The following ARHGAP28 variants were observed in gnomAD, a reference collection of about 807,000 sequenced individuals.
ARHGAP28 encodes the protein Rho GTPase activating protein 28, also known as rho GTPase-activating protein 28.
ARHGAP28 carries 56 observed loss-of-function variants against 90.7 expected under a neutral mutation model. The ratio of observed to expected loss-of-function variants is 0.62; its 90% CI spans 0.50 to 0.77. ARHGAP28 has a LOEUF of 0.77. ARHGAP28 is among the 30% of genes least tolerant of loss of function. The probability of loss-of-function intolerance (pLI) is 0.00; values close to 1 mark genes in which losing one functional copy is unlikely to be tolerated. For missense variants in ARHGAP28, 869 were observed against 900.9 expected (o/e 0.96, Z 0.45); for synonymous variants, 308 against 323.3 (o/e 0.95, Z 0.51).
At chr18:6,827,568 G>T (rs1473720645) in intron 2 of ARHGAP28, among the ~76,000 whole-genome samples, 4 of 144,366 alleles carry the variant, frequency 2.8e-5, no homozygotes, top group Non-Finnish European at 3.1e-5. Flanking sequence ...CCTCCCGGAC[G>T]GGGCGACTGG....
At chr18:6,741,389 G>A (rs540185810) in intron 1 of ARHGAP28, among the ~76,000 whole-genome samples, 9 of 152,300 alleles carry the variant, frequency 5.9e-5, no homozygotes, top group African/African-American at 2.2e-4. Context: ...GCAGAAAGCT[G>A]CAGGCTAGAG....
intron 1 of ARHGAP28, among the ~76,000 whole-genome samples, chr18:6,732,517 G>T (rs1427397158): frequency 6.6e-6 from 1 of 152,078 alleles, no homozygotes; most frequent in Non-Finnish European, 1.5e-5. Context: ...AAAATTGAAG[G>T]ACCCAGCAGC....
intron 1 of ARHGAP28, among the ~76,000 whole-genome samples, chr18:6,814,694 G>C (rs1343796558): frequency 1.3e-5 from 2 of 152,204 alleles, no homozygotes; most frequent in African/African-American, 4.8e-5. Flanking sequence ...AGTAGTGCTA[G>C]CTGTAGCAGG....
In ARHGAP28 at chr18:6,859,822, T is replaced by C. The variant is rs763839305; in HGVS notation, c.651T>C (p.Ser217=). 2 of 1,613,922 alleles carry C rather than the reference T, an allele frequency of 1.2e-6. No individual in the cohort carries two copies. The highest frequency in any genetic ancestry group is 2.7e-5 in the African/African-American group (2 of 74,926). Residue 217 remains serine (S), a synonymous_variant, in exon 5 of 18, where the codon TCT becomes TCC. Transcript: ENST00000383472. ...KTSGSMPDDA[S]LNSTTLSDAS... is the part of the protein sequence containing the mutation. Reference sequence around the variant, plus strand: ...TCTCCATTTAGCCAGATGATGCTTCTCTCAACAGTACTACCCTGTCTGACG... The same window carrying C: ...TCTCCATTTAGCCAGATGATGCTTCCCTCAACAGTACTACCCTGTCTGACG...
At chr18:6,789,436 A>G (rs1449376431) in intron 1 of ARHGAP28, 1 of 152,242 alleles carries the variant, frequency 6.6e-6, no homozygotes, top group Non-Finnish European at 1.5e-5. Context: ...TTAGCCAGGC[A>G]TGGTGGCGCA....
At chr18:6,881,660 G>A (rs916046612) in intron 10 of ARHGAP28, among the ~76,000 whole-genome samples, 2 of 152,202 alleles carry the variant, frequency 1.3e-5, no homozygotes, top group African/African-American at 2.4e-5. Context: ...ATGTTGCAGC[G>A]AGGTCAGAGT....
At chr18:6,752,745 T>G (rs2056079742) in intron 1 of ARHGAP28, among the ~76,000 whole-genome samples, 1 of 152,082 alleles carries the variant, frequency 6.6e-6, no homozygotes, top group South Asian at 2.1e-4. Flanking sequence ...TTCTCTCAGC[T>G]TAAGAGTATG....
At chr18:6,839,425 C>T (rs1317146099) in intron 3 of ARHGAP28, among the ~76,000 whole-genome samples, 4 of 151,874 alleles carry the variant, frequency 2.6e-5, no homozygotes, top group African/African-American at 9.7e-5. Flanking sequence ...TCCCGAGTAA[C>T]TGGGACTATA....
rs1279901822 is a variant in ARHGAP28, at chr18:6,915,670, G to A, written c.*3516G>A. On this transcript the variant is annotated 3_prime_UTR_variant, in exon 18 of 18. Coordinates refer to ENST00000383472, the MANE Select transcript of ARHGAP28 (RefSeq NM_001366230.1). ...CAGCTTTCATTGTTAAGTAGAATAT[G>A]TATGTTGCATTTTATCCATAAGAAA... 2.6e-5 allele frequency: 4 copies of A among 152,108 alleles called. No homozygotes were observed. Among genetic ancestry groups the A allele is most frequent in the Admixed American group, 2.6e-4 (4 of 15,280 alleles). The allele number at this position is 152,108 out of a possible 1,614,324, so 9.4% of individuals were successfully genotyped here. A position where few individuals can be genotyped will look rare whatever the true frequency, so the allele number is the denominator to read the frequency against.
In ARHGAP28 at chr18:6,913,630, A is replaced by G. The variant is rs78259464; in HGVS notation, c.*1476A>G. On this transcript the variant is annotated 3_prime_UTR_variant, in exon 18 of 18. Transcript: ENST00000383472. The stretch of plus-strand genomic sequence containing the variant: ...TAGAAGAAATCTTGTATATACTATT[A>G]TTACACCTTGATATCTATACAAAAC... 1 of 150,452 alleles carries G rather than the reference A, an allele frequency of 6.6e-6. No individual in the cohort carries two copies. Among genetic ancestry groups the G allele is most frequent in the Non-Finnish European group, 1.5e-5 (1 of 67,594 alleles). 9.3% of individuals were successfully genotyped at this position (150,452 alleles called of 1,614,324 possible). A position where few individuals can be genotyped will look rare whatever the true frequency, so the allele number is the denominator to read the frequency against.
intron 1 of ARHGAP28, among the ~76,000 whole-genome samples, chr18:6,766,228 C>T (rs867222052): frequency 2.6e-5 from 4 of 152,108 alleles, no homozygotes; most frequent in Non-Finnish European, 5.9e-5. Context: ...GTGCATGTGT[C>T]GCTCCTTTCA....
intron 2 of ARHGAP28, 50 bp downstream of exon 2, chr18:6,825,014 G>A: frequency 6.9e-7 from 1 of 1,454,108 alleles, no homozygotes; most frequent in Non-Finnish European, 9.1e-7. Flanking sequence ...TTCTTTCTCT[G>A]CCCTCTGTTA....
intron 4 of ARHGAP28, among the ~76,000 whole-genome samples, chr18:6,856,206 C>T (rs2056952265): frequency 6.6e-6 from 1 of 152,204 alleles, no homozygotes; most frequent in Non-Finnish European, 1.5e-5. Flanking sequence ...CAACTTTATG[C>T]TCCAGATTTG....
At chr18:6,765,107 C>T (rs2056190069) in intron 1 of ARHGAP28, among the ~76,000 whole-genome samples, 1 of 152,128 alleles carries the variant, frequency 6.6e-6, no homozygotes, top group Non-Finnish European at 1.5e-5. Context: ...GATGTTGGTC[C>T]ATAGGTTTTT....
Position 6,915,028 on chromosome 18 carries a change from CTTA to C in ARHGAP28, c.*2880_*2882del, listed in dbSNP as rs2057415939. ...TTGTTGTTACAAACTGTGCCTGAAT[CTTA>C]TTATTTAAATCACTTCAGTTAGCTT... On this transcript the variant is annotated 3_prime_UTR_variant, in exon 18 of 18. Coordinates refer to ENST00000383472, the MANE Select transcript of ARHGAP28 (RefSeq NM_001366230.1). 1 of 152,560 alleles carries C rather than the reference CTTA, an allele frequency of 6.6e-6. No homozygotes were observed. The highest frequency in any genetic ancestry group is 2.4e-5 in the African/African-American group (1 of 41,428). 9.5% of individuals were successfully genotyped at this position (152,560 alleles called of 1,614,324 possible).
intron 7 of ARHGAP28, among the ~76,000 whole-genome samples, chr18:6,872,798 T>C (rs1320336551): frequency 6.6e-6 from 1 of 152,236 alleles, no homozygotes; most frequent in Non-Finnish European, 1.5e-5. Context: ...AAAATCATAG[T>C]AGGATTGTTT....
In ARHGAP28 at chr18:6,824,852, C is replaced by T. The variant is rs1028482316; in HGVS notation, c.213C>T (p.Ala71=). The change falls in exon 2 of 18, where the codon GCC becomes GCT. Residue 71 remains alanine, a synonymous_variant. Transcript: ENST00000383472. The stretch of plus-strand genomic sequence containing the variant: ...CCTTCAGCCGTTCCAACTCAGAAGC[C>T]TCCGTAGACAGCGCCTCCATGGAGG... ...PPAFSRSNSE[A]SVDSASMEDF... The T allele has an allele frequency of 7.2e-6, 11 of 1,536,428 alleles. No homozygotes were observed. The South Asian group carries it at 1.3e-4, about 18-fold the overall frequency.
intron 10 of ARHGAP28, among the ~76,000 whole-genome samples, chr18:6,877,658 T>C (rs2057142380): frequency 6.6e-6 from 1 of 152,168 alleles, no homozygotes; most frequent in African/African-American, 2.4e-5. Flanking sequence ...GCACAAGTTC[T>C]TGTGGAAGGC....
chr18:6,733,690 A>G (rs77417447), intron 1 of ARHGAP28, among the ~76,000 whole-genome samples: 1,884 of 152,342 alleles, frequency 0.012, 38 homozygotes, highest in African/African-American at 0.043. Context: ...CCATCAAGAT[A>G]CAACATCTTT....
Sources: allele counts gnomAD v4.1 joint callset (sites outside exome capture counted in the v4.1 genomes callset), GRCh38; gene constraint gnomAD v4.1.1; transcripts MANE v1.5; gene names NCBI Gene and HGNC (gene_info 2026-07-23, HGNC 2026-07-21).